CCNDBP1: variants seen among roughly 807,000 people sequenced by gnomAD.
CCNDBP1 encodes the protein cyclin-D1-binding protein 1.
In CCNDBP1, 45 loss-of-function variants were observed where a neutral mutation model predicts 46.2. The ratio of observed to expected loss-of-function variants is 0.97; its 90% CI spans 0.77 to 1.25. The LOEUF (loss-of-function observed/expected upper bound fraction) is 1.25. Ranked by LOEUF, CCNDBP1 falls within the 50% of genes most tolerant of loss-of-function variation. The pLI, the probability that CCNDBP1 is intolerant of heterozygous loss-of-function variation, is 0.00. For missense variants in CCNDBP1, 436 were observed against 442.1 expected, an observed-to-expected ratio of 0.99 and a Z score of 0.12; for synonymous variants, 154 against 163.6, an observed-to-expected ratio of 0.94 and a Z score of 0.45.
Position 43,191,495 on chromosome 15 carries a change from G to A in CCNDBP1, c.680G>A (p.Ser227Asn). 1.4e-5 allele frequency: 22 copies of A among 1,614,080 alleles called. No individual in the cohort carries two copies. The highest frequency in any genetic ancestry group is 1.9e-5 in the Non-Finnish European group (22 of 1,179,990). Reference protein sequence around the residue: ...NHEDDVLGFPSNQDLYWSEDD... With the variant: ...NHEDDVLGFPNNQDLYWSEDD... ...GAGGATGATGTGTTGGGGTTTCCCA[G>A]CAATCAGGACTTGTATTGGTCAGAG... Residue 227 changes from serine to asparagine, a missense_variant, in exon 8 of 11, where the codon AGC (serine) becomes AAC (asparagine). Physicochemically the swap from Ser to Asn is conservative, Grantham distance 46. Transcript: ENST00000300213.
chr15:43,189,339 T>C, intron 4 of CCNDBP1, 59 bp downstream of exon 4: 1 of 981,822 alleles, frequency 1.0e-6, no homozygotes, highest in Non-Finnish European at 1.5e-6. Flanking sequence ...GTGGATTATG[T>C]CTTGTGACTT....
Position 43,185,444 on chromosome 15 carries a change from G to T in CCNDBP1, c.-55G>T. The T allele has an allele frequency of 7.3e-7, 1 of 1,369,124 alleles. No homozygotes were observed. Among genetic ancestry groups the T allele is most frequent in the Non-Finnish European group, 1.0e-6 (1 of 991,662 alleles). The allele number at this position is 1,369,124 out of a possible 1,614,324, so 84.8% of individuals were successfully genotyped here. On this transcript the variant is annotated 5_prime_UTR_variant, in exon 1 of 11. Coordinates refer to ENST00000300213, the MANE Select transcript of CCNDBP1 (RefSeq NM_012142.5). ...GGAAGTGGAGCGGCTGTCGCAGTGC[G>T]GCTCCGGCAGTGGCAGCGGAGGCCT...
At position 43,195,984 on chromosome 15, in the gene CCNDBP1, C is replaced by CA. The variant is rs1187080565; in HGVS notation, c.*1144dup. On this transcript the variant is annotated 3_prime_UTR_variant, in exon 11 of 11. Coordinates refer to ENST00000300213, the MANE Select transcript of CCNDBP1 (RefSeq NM_012142.5). ...AGGGAAGGAACTAAAATCAAACTGACAGAGTGTCAAGGCAACAAAATAACA... is the reference window on the plus strand; with the variant it reads ...AGGGAAGGAACTAAAATCAAACTGACAAGAGTGTCAAGGCAACAAAATAACA... The CA allele has an allele frequency of 6.6e-6, 1 of 152,168 alleles. No homozygotes were observed. Among genetic ancestry groups the CA allele is most frequent in the Non-Finnish European group, 1.5e-5 (1 of 68,034 alleles). 9.4% of individuals were successfully genotyped at this position (152,168 alleles called of 1,614,324 possible). A position where few individuals can be genotyped will look rare whatever the true frequency, so the allele number is the denominator to read the frequency against.
intron 8 of CCNDBP1, among the ~76,000 whole-genome samples, chr15:43,192,123 A>C (rs1409724563): frequency 1.3e-5 from 2 of 152,194 alleles, no homozygotes; most frequent in African/African-American, 4.8e-5. Flanking sequence ...CCCACATTGC[A>C]TTTAATTGTC....
Position 43,185,856 on chromosome 15 carries a change from G to C in CCNDBP1, c.146G>C (p.Arg49Pro), listed in dbSNP as rs2041813818. Residue 49 changes from arginine (R) to proline (P), a missense_variant, in exon 2 of 11, where the codon CGA becomes CCA. Arg to Pro is a moderately radical substitution (Grantham distance 103). Coordinates refer to ENST00000300213, the MANE Select transcript of CCNDBP1 (RefSeq NM_012142.5). ...CAGGAGACCACCGAGGAGTTTAATC[G>C]AGAGATGTTCTGGAGAAGACTCAGT... is the stretch of plus-strand genomic sequence containing the variant. ...EAQETTEEFNREMFWRRLNEA... is the reference protein window; with the variant it reads ...EAQETTEEFNPEMFWRRLNEA... 6.2e-7 allele frequency: 1 copy of C among 1,611,546 alleles called. No homozygotes were observed. The highest frequency in any genetic ancestry group is 8.5e-7 in the Non-Finnish European group (1 of 1,179,966).
Position 43,185,726 on chromosome 15 carries a change from C to A in CCNDBP1, c.110-94C>A. ...TCGCGGAGAGGGCGGGCTGGGGCGG[C>A]GGCGGGGAGCCGGGCTTGGGCGAGG... On this transcript the variant is annotated intron_variant, in intron 1 of 10. Transcript: ENST00000300213. 4.9e-6 allele frequency: 7 copies of A among 1,436,874 alleles called. 1 individual carries two copies. The South Asian group carries it at 7.8e-5, about 16-fold the overall frequency. 89.0% of individuals were successfully genotyped at this position (1,436,874 alleles called of 1,614,324 possible). A position where few individuals can be genotyped will look rare whatever the true frequency, so the allele number is the denominator to read the frequency against.
At chr15:43,189,751 C>T (rs998398902) in intron 4 of CCNDBP1, 4 of 396,552 alleles carry the variant, frequency 1.0e-5, no homozygotes, top group Non-Finnish European at 1.8e-5. Context: ...CAGGGTTACT[C>T]AAGTGGCTTA....
chr15:43,190,356 A>G lies in CCNDBP1; in HGVS notation c.460A>G (p.Ser154Gly). The change falls in exon 6 of 11, where the codon AGT (serine) becomes GGT (glycine). Residue 154 changes from serine (S) to glycine (G), a missense_variant. Transcript: ENST00000300213. The stretch of plus-strand genomic sequence containing the variant: ...GAACAATGACCTTATTTCCTACAAC[A>G]GTGTCTGGGTTGCGTGCCAGCAGAT... ...PENNDLISYN[S>G]VWVACQQMPQ... The G allele has an allele frequency of 6.2e-7, 1 of 1,614,214 alleles. No individual in the cohort carries two copies. Among genetic ancestry groups the G allele is most frequent in the Non-Finnish European group, 8.5e-7 (1 of 1,180,042 alleles).
chr15:43,190,247 T>G, intron 5 of CCNDBP1, 78 bp from the exon 6 acceptor site: 1 of 1,585,838 alleles, frequency 6.3e-7, no homozygotes, highest in Non-Finnish European at 8.7e-7. Context: ...CAGCTGAGAG[T>G]AATGACCAGC....
Position 43,193,564 on chromosome 15 carries a change from A to G in CCNDBP1, c.921+761A>G, listed in dbSNP as rs568980735. ...CCAGAAACATACTCTGTTCTAATACAAACACATTGTGTGATTTAACTATGG... is the reference window on the plus strand; with the variant it reads ...CCAGAAACATACTCTGTTCTAATACGAACACATTGTGTGATTTAACTATGG... On this transcript the variant is annotated intron_variant, in intron 9 of 10. Transcript: ENST00000300213. Among the ~76,000 whole-genome samples, 3 of 152,294 alleles carry G rather than the reference A, an allele frequency of 2.0e-5. No individual in the cohort carries two copies. The East Asian group carries it at 5.8e-4, about 29-fold the overall frequency.
Position 43,194,744 on chromosome 15 carries a change from C to T in CCNDBP1, c.986C>T (p.Pro329Leu), listed in dbSNP as rs760817757. 4.3e-5 allele frequency: 69 copies of T among 1,612,050 alleles called. No individual in the cohort carries two copies. Among genetic ancestry groups the T allele is most frequent in the Non-Finnish European group, 5.8e-5 (68 of 1,178,228 alleles). ...ATTCACAGAGCAAGTCATGTGACCC[C>T]TCAGCCAGAAGATAGTTGGATCCCT... ...LEITKASHVT[P>L]QPEDSWIPLL... The change falls in exon 11 of 11, where the codon CCT becomes CTT. Residue 329 changes from proline to leucine, a missense_variant. By Grantham distance (98) the Pro-to-Leu change is moderately conservative. Coordinates refer to ENST00000300213, the MANE Select transcript of CCNDBP1 (RefSeq NM_012142.5).
In CCNDBP1 at chr15:43,186,189, A is replaced by G. The variant is rs1386622433; in HGVS notation, c.205A>G (p.Thr69Ala). 5.0e-6 allele frequency: 8 copies of G among 1,613,760 alleles called. No individual in the cohort carries two copies. The highest frequency in any genetic ancestry group is 6.8e-6 in the Non-Finnish European group (8 of 1,179,936). Residue 69 changes from threonine to alanine, a missense_variant, in exon 3 of 11, where the codon ACT becomes GCT. Coordinates refer to ENST00000300213, the MANE Select transcript of CCNDBP1 (RefSeq NM_012142.5). Reference sequence around the variant, plus strand: ...TGTGACTGTGTCAAGGGAAGCCACGACTCTGACCATAGTCTTCTCTCAGCT... The same window carrying G: ...TGTGACTGTGTCAAGGGAAGCCACGGCTCTGACCATAGTCTTCTCTCAGCT... ...AAVTVSREAT[T>A]LTIVFSQLPL...
intron 2 of CCNDBP1, 24 bp downstream of exon 2, chr15:43,185,903 C>T: frequency 1.2e-6 from 2 of 1,603,462 alleles, no homozygotes; most frequent in Non-Finnish European, 1.7e-6. Flanking sequence ...CTTCCGGGCT[C>T]CCCTTGCCTC....
chr15:43,189,556 C>T, intron 4 of CCNDBP1: 1 of 396,706 alleles, frequency 2.5e-6, no homozygotes, highest in Non-Finnish European at 4.5e-6. Context: ...TTTAACACCA[C>T]AGATACTGGC....
rs770158546 is a variant in CCNDBP1, at chr15:43,185,790, C to A, written c.110-30C>A. The A allele has an allele frequency of 1.0e-5, 16 of 1,605,968 alleles. No individual in the cohort carries two copies. In the Admixed American group the frequency reaches 2.5e-4, roughly 25 times the overall value. Reference sequence around the variant, plus strand: ...TTACCTCAGCTTTTCCATTCGCCACCGTTCGGCCCCCACACGCCACACCCA... The same window carrying A: ...TTACCTCAGCTTTTCCATTCGCCACAGTTCGGCCCCCACACGCCACACCCA... On this transcript the variant is annotated intron_variant, in intron 1 of 10. Transcript: ENST00000300213.
Position 43,191,533 on chromosome 15 carries a change from C to T in CCNDBP1, c.718C>T (p.Leu240Phe). ...DLYWSEDDQE[L>F]IIPCLALVRA... Reference sequence around the variant, plus strand: ...GTATTGGTCAGAGGACGATCAAGAGCTCATAATCCCATGCCTTGCGCTGGT... The same window carrying T: ...GTATTGGTCAGAGGACGATCAAGAGTTCATAATCCCATGCCTTGCGCTGGT... Residue 240 changes from leucine (L) to phenylalanine (F), a missense_variant, in exon 8 of 11, where the codon CTC (leucine) becomes TTC (phenylalanine). Leu to Phe is a conservative substitution (Grantham distance 22, BLOSUM62 0). Coordinates refer to ENST00000300213, the MANE Select transcript of CCNDBP1 (RefSeq NM_012142.5). 7 of 1,614,090 alleles carry T rather than the reference C, an allele frequency of 4.3e-6. No individual in the cohort carries two copies. The highest frequency in any genetic ancestry group is 1.1e-5 in the South Asian group (1 of 91,084).
chr15:43,191,486 G>A lies in CCNDBP1; in HGVS notation c.671G>A (p.Gly224Glu), dbSNP rs1224489306. Reference protein sequence around the residue: ...DNHNHEDDVLGFPSNQDLYWS... With the variant: ...DNHNHEDDVLEFPSNQDLYWS... Reference sequence around the variant, plus strand: ...CACAATCATGAGGATGATGTGTTGGGGTTTCCCAGCAATCAGGACTTGTAT... The same window carrying A: ...CACAATCATGAGGATGATGTGTTGGAGTTTCCCAGCAATCAGGACTTGTAT... The change falls in exon 8 of 11, where the codon GGG becomes GAG. Residue 224 changes from glycine (G) to glutamate (E), a missense_variant. Physicochemically the swap from Gly to Glu is moderately conservative, Grantham distance 98 (BLOSUM62 -2). Transcript: ENST00000300213. The A allele has an allele frequency of 2.5e-6, 4 of 1,614,012 alleles. No individual in the cohort carries two copies. The Admixed American group carries it at 5.0e-5, about 20-fold the overall frequency.
At chr15:43,186,005 AC>A in intron 2 of CCNDBP1, 126 bp downstream of exon 2, 1 of 1,165,936 alleles carries the variant, frequency 8.6e-7, no homozygotes, top group Non-Finnish European at 1.3e-6. Flanking sequence ...GAGGTACCTT[AC>A]CCACCTCAGC....
At position 43,190,107 on chromosome 15, in the gene CCNDBP1, C is replaced by T; in HGVS notation, c.384C>T (p.Gly128=). ...VRGATLDIVD[G]MAQLMEVLSV... ...GCGCCACCCTGGACATCGTGGATGGCATGGCTCAGCTCATGGAAGTACTTT... is the reference window on the plus strand; with the variant it reads ...GCGCCACCCTGGACATCGTGGATGGTATGGCTCAGCTCATGGAAGTACTTT... The change falls in exon 5 of 11, where the codon GGC becomes GGT. Residue 128 remains glycine (G), a synonymous_variant. Coordinates refer to ENST00000300213, the MANE Select transcript of CCNDBP1 (RefSeq NM_012142.5). The T allele has an allele frequency of 2.5e-6, 4 of 1,614,146 alleles. No individual in the cohort carries two copies. Among genetic ancestry groups the T allele is most frequent in the Non-Finnish European group, 3.4e-6 (4 of 1,180,016 alleles).
Sources: allele counts gnomAD v4.1 joint callset (sites outside exome capture counted in the v4.1 genomes callset), GRCh38; gene constraint gnomAD v4.1.1; transcripts MANE v1.5; gene names NCBI Gene and HGNC (gene_info 2026-07-23, HGNC 2026-07-21).